DOK6: variants seen among roughly 807,000 people sequenced by gnomAD.
DOK6 encodes the protein docking protein 6.
Under a neutral mutation model 44.0 loss-of-function variants are expected in DOK6, and 22 were observed. The ratio of observed to expected loss-of-function variants is 0.50; its 90% confidence interval spans 0.36 to 0.71. The LOEUF (loss-of-function observed/expected upper bound fraction) is 0.71. Ranked by LOEUF, DOK6 falls within the 30% of genes least tolerant of loss-of-function variation. The pLI, the probability that DOK6 is intolerant of heterozygous loss-of-function variation, is 0.00. For synonymous variants in DOK6, 166 were observed against 145.5 expected, an observed-to-expected ratio of 1.14 and a Z score of -1.01; for missense variants, 340 against 416.4, an observed-to-expected ratio of 0.82 and a Z score of 1.60.
At chr18:69,733,837 A>G (rs1024489318) in intron 5 of DOK6, among the ~76,000 whole-genome samples, 6 of 152,176 alleles carry the variant, frequency 3.9e-5, no homozygotes, top group African/African-American at 1.4e-4. Context: ...CTATTACTGA[A>G]AAGGAGTAGT....
In DOK6 at chr18:69,738,923, A is replaced by G. The variant is rs8089018; in HGVS notation, c.600-42A>G. 5.1e-3 allele frequency: 8,135 copies of G among 1,607,324 alleles called. 345 individuals are homozygous for G. In the African/African-American group the frequency reaches 0.095, roughly 19 times the overall value. ...ACGTGGAAAACTGTTATGCACTTGA[A>G]CACATGGAGACCCATCTCTTTCCCT... On this transcript the variant is annotated intron_variant, in intron 5 of 7. Transcript: ENST00000382713.
At chr18:69,499,267 C>T (rs149790927) in intron 1 of DOK6, among the ~76,000 whole-genome samples, 22 of 134,002 alleles carry the variant, frequency 1.6e-4, no homozygotes, top group East Asian at 1.6e-3. Context: ...CCAAAAGATG[C>T]GATGGGCTAA....
chr18:69,739,275 A>G (rs1978722457), intron 6 of DOK6, 172 bp downstream of exon 6: 4 of 820,140 alleles, frequency 4.9e-6, no homozygotes, highest in Non-Finnish European at 7.1e-6. Flanking sequence ...CAATATGTCA[A>G]AAAAGAAGTT....
intron 2 of DOK6, among the ~76,000 whole-genome samples, chr18:69,583,939 C>T (rs1459138261): frequency 5.3e-5 from 8 of 151,460 alleles, no homozygotes; most frequent in South Asian, 2.1e-4. Context: ...AAACCCCGTC[C>T]CTACTAAAAA....
At chr18:69,579,931 A>G (rs1599203324) in intron 2 of DOK6, among the ~76,000 whole-genome samples, 1 of 151,998 alleles carries the variant, frequency 6.6e-6, no homozygotes, top group African/African-American at 2.4e-5. Context: ...CCAGAAGTCA[A>G]TTTTTTTAAT....
At chr18:69,430,154 C>T (rs1978762899) in intron 1 of DOK6, among the ~76,000 whole-genome samples, 1 of 152,092 alleles carries the variant, frequency 6.6e-6, no homozygotes, top group South Asian at 2.1e-4. Context: ...TAGGATTTGA[C>T]TGATTACGAA....
intron 6 of DOK6, among the ~76,000 whole-genome samples, chr18:69,742,605 A>G (rs1978843423): frequency 6.6e-6 from 1 of 152,166 alleles, no homozygotes; most frequent in African/African-American, 2.4e-5. Flanking sequence ...AGGAGAGGTT[A>G]TTGGTTTATT....
chr18:69,612,871 T>C (rs1404608166), intron 3 of DOK6, among the ~76,000 whole-genome samples: 3 of 151,992 alleles, frequency 2.0e-5, no homozygotes, highest in Non-Finnish European at 4.4e-5. Context: ...TCTTTTTTGC[T>C]TTTCTTTCTT....
rs983207790 is a variant in DOK6, at chr18:69,846,062, G to T, written c.*4679G>T. On this transcript the variant is annotated 3_prime_UTR_variant, in exon 8 of 8. Transcript: ENST00000382713. ...GAAGATTGCCCACATTTTCTCTGCA[G>T]ACCTGCCACAAATCCTTACCTTCTT... 3.3e-5 allele frequency: 5 copies of T among 152,150 alleles called. No individual in the cohort carries two copies. Among genetic ancestry groups the T allele is most frequent in the African/African-American group, 1.2e-4 (5 of 41,420 alleles). 9.4% of individuals were successfully genotyped at this position (152,150 alleles called of 1,614,324 possible).
rs1167663878 is a variant in DOK6, at chr18:69,843,961, C to T, written c.*2578C>T. 6.6e-6 allele frequency: 1 copy of T among 152,144 alleles called. No homozygotes were observed. The highest frequency in any genetic ancestry group is 1.5e-5 in the Non-Finnish European group (1 of 68,032). 9.4% of individuals were successfully genotyped at this position (152,144 alleles called of 1,614,324 possible). On this transcript the variant is annotated 3_prime_UTR_variant, in exon 8 of 8. Coordinates refer to ENST00000382713, the MANE Select transcript of DOK6 (RefSeq NM_152721.6). ...ACTTATATTAGACTAATATCCTTGA[C>T]ACGAAGCAGGGTTCATTGTAATAAA...
chr18:69,759,871 TG>T (rs980718840), intron 7 of DOK6, among the ~76,000 whole-genome samples: 9 of 152,202 alleles, frequency 5.9e-5, no homozygotes, highest in South Asian at 4.1e-4. Context: ...GTGAAAAATA[TG>T]TATTGACTAA....
Position 69,672,481 on chromosome 18 carries a change from C to T in DOK6, c.290-5253C>T, listed in dbSNP as rs538619498. Reference sequence around the variant, plus strand: ...TCAAGGGATTCTCCTGTCTCAGACTCCCGAGTAGCTGGGATTACAGGCGCG... The same window carrying T: ...TCAAGGGATTCTCCTGTCTCAGACTTCCGAGTAGCTGGGATTACAGGCGCG... On this transcript the variant is annotated intron_variant, in intron 3 of 7. Transcript: ENST00000382713. 4.2e-3 allele frequency among the ~76,000 whole-genome samples: 635 copies of T among 152,306 alleles called. 5 individuals carry two copies. The highest frequency in any genetic ancestry group is 0.015 in the African/African-American group (616 of 41,578).
intron 3 of DOK6, among the ~76,000 whole-genome samples, chr18:69,614,812 CAT>C (rs1479979264): frequency 1.4e-5 from 2 of 147,622 alleles, no homozygotes; most frequent in African/African-American, 5.0e-5. Context: ...TACACACACA[CAT>C]ATGTGTGTGT....
chr18:69,812,587 C>A (rs967569971), intron 7 of DOK6, among the ~76,000 whole-genome samples: 1 of 152,104 alleles, frequency 6.6e-6, no homozygotes, highest in Admixed American at 6.6e-5. Context: ...TGAAGGACAA[C>A]GCTACCTGGT....
intron 7 of DOK6, among the ~76,000 whole-genome samples, chr18:69,773,777 T>G (rs1200200970): frequency 2.0e-5 from 3 of 151,710 alleles, no homozygotes; most frequent in African/African-American, 7.3e-5. Context: ...TTAACAGTAC[T>G]GTGTTGTACA....
At chr18:69,812,332 T>C (rs1218165035) in intron 7 of DOK6, among the ~76,000 whole-genome samples, 1 of 152,178 alleles carries the variant, frequency 6.6e-6, no homozygotes, top group Non-Finnish European at 1.5e-5. Flanking sequence ...GATAATACTG[T>C]ACTGTCTCCA....
At chr18:69,416,724 G>A (rs1978350861) in intron 1 of DOK6, among the ~76,000 whole-genome samples, 1 of 152,048 alleles carries the variant, frequency 6.6e-6, no homozygotes, top group South Asian at 2.1e-4. Context: ...GTTATTATTT[G>A]TAACCTAGGC....
At chr18:69,695,528 G>A (rs1986369582) in intron 4 of DOK6, among the ~76,000 whole-genome samples, 1 of 152,140 alleles carries the variant, frequency 6.6e-6, no homozygotes, top group Non-Finnish European at 1.5e-5. Flanking sequence ...TTCTAGCAAA[G>A]CCTTAACAAA....
chr18:69,565,507 GTGTGTGTGTGTGTGTATA>G (rs1168066723), intron 2 of DOK6, among the ~76,000 whole-genome samples: 897 of 32,948 alleles, frequency 0.027, 11 homozygotes, highest in East Asian at 0.09. Flanking sequence ...GTGTGTGTGT[GTGTGTGTGTGTGTGTATA>G]TATATATACA....
Sources: allele counts gnomAD v4.1 joint callset (sites outside exome capture counted in the v4.1 genomes callset), GRCh38; gene constraint gnomAD v4.1.1; transcripts MANE v1.5; gene names NCBI Gene and HGNC (gene_info 2026-07-23, HGNC 2026-07-21).